Variants in DISP1 observed in about 807,000 individuals in gnomAD.
DISP1 encodes protein dispatched homolog 1.
DISP1 carries 30 observed loss-of-function variants against 37.3 expected under a neutral mutation model. The observed-to-expected ratio is 0.80, with a 90% CI of 0.60 to 1.09. The LOEUF (loss-of-function observed/expected upper bound fraction) is 1.09, where lower values mean the gene tolerates loss of function less well. Among genes scored for constraint, DISP1 ranks in the 50% least tolerant of loss-of-function variants. DISP1 has a pLI of 0.00. For missense variants in DISP1, 1,598 were observed against 1,879.5 expected (o/e 0.85, Z 2.77); for synonymous variants, 634 against 690.2 (o/e 0.92, Z 1.28).
At chr1:222,844,628 G>A (rs533296954) in intron 1 of DISP1, among the ~76,000 whole-genome samples, 1 of 152,176 alleles carries the variant, frequency 6.6e-6, no homozygotes, top group South Asian at 2.1e-4. Context: ...TTGCAGGAAA[G>A]GTATTTAAGC....
chr1:222,836,994 A>G (rs1248084066), intron 1 of DISP1: 1 of 398,330 alleles, frequency 2.5e-6, no homozygotes, highest in African/African-American at 2.1e-5. Flanking sequence ...TCTTCTTTTC[A>G]GAAATAAAAT....
chr1:222,998,070 A>C (rs1193880272), intron 8 of DISP1, among the ~76,000 whole-genome samples: 1 of 152,070 alleles, frequency 6.6e-6, no homozygotes, highest in Non-Finnish European at 1.5e-5. Context: ...TCATGGAGAT[A>C]ATATATTCAT....
chr1:222,862,106 C>G (rs1404220506), intron 1 of DISP1, among the ~76,000 whole-genome samples: 2 of 152,162 alleles, frequency 1.3e-5, no homozygotes, highest in African/African-American at 4.8e-5. Flanking sequence ...CATTGTCTGG[C>G]ATGTAGTAAA....
In DISP1 at chr1:222,939,355, ATTTTTTTTT is replaced by A. The variant is rs35313341; in HGVS notation, c.-17-3433_-17-3425del. Among the ~76,000 whole-genome samples the A allele has an allele frequency of 8.8e-5, 10 of 113,014 alleles. No homozygotes were observed. In the South Asian group the frequency reaches 1.0e-3, roughly 11 times the overall value. 74.1% of individuals were successfully genotyped at this position (113,014 alleles called of 152,430 possible). On this transcript the variant is annotated intron_variant, in intron 2 of 8. Coordinates refer to ENST00000675850, the MANE Select transcript of DISP1 (RefSeq NM_001377229.1). ...GTGATTCTGATTATGAAGAAAAATAATTTTTTTTTTTTTTTTTTTTTTTTTTTACTGAGG... is the reference window on the plus strand; with the variant it reads ...GTGATTCTGATTATGAAGAAAAATAATTTTTTTTTTTTTTTTTTACTGAGG...
chr1:222,995,182 A>G (rs2102761707), intron 8 of DISP1, among the ~76,000 whole-genome samples, 200 bp downstream of exon 8: 1 of 152,336 alleles, frequency 6.6e-6, no homozygotes, highest in South Asian at 2.1e-4. Context: ...ACTTTAAAAC[A>G]TACCATCTTC....
intron 4 of DISP1, among the ~76,000 whole-genome samples, chr1:222,983,949 A>T (rs1039403264): frequency 6.6e-6 from 1 of 152,220 alleles, no homozygotes; most frequent in African/African-American, 2.4e-5. Context: ...AGAAATTCTA[A>T]GTGATCTTTG....
intron 3 of DISP1, among the ~76,000 whole-genome samples, chr1:222,944,147 C>A (rs1038938758): frequency 5.3e-5 from 8 of 152,146 alleles, no homozygotes; most frequent in African/African-American, 1.9e-4. Flanking sequence ...ATGCTGAGAT[C>A]AAATGAAAGT....
chr1:222,954,155 G>T (rs1378975420), intron 3 of DISP1, among the ~76,000 whole-genome samples: 1 of 151,776 alleles, frequency 6.6e-6, no homozygotes. Context: ...AATTATTATG[G>T]ATCAGTTACA....
At chr1:222,887,343 C>A (rs1670652578) in intron 1 of DISP1, among the ~76,000 whole-genome samples, 1 of 152,078 alleles carries the variant, frequency 6.6e-6, no homozygotes, top group Non-Finnish European at 1.5e-5. Context: ...GCCAGAATAT[C>A]TGGGCATTTT....
intron 1 of DISP1, among the ~76,000 whole-genome samples, chr1:222,906,235 A>G (rs1671879580): frequency 6.6e-6 from 1 of 152,250 alleles, no homozygotes; most frequent in Admixed American, 6.5e-5. Flanking sequence ...ATACTAAGTT[A>G]TAAGAAGACC....
intron 2 of DISP1, among the ~76,000 whole-genome samples, chr1:222,937,646 G>T (rs1674052859): frequency 6.6e-6 from 1 of 152,076 alleles, no homozygotes; most frequent in Non-Finnish European, 1.5e-5. Flanking sequence ...ACATTAAAAT[G>T]CTGGCTAAAA....
chr1:222,903,233 G>A (rs545349598), intron 1 of DISP1, among the ~76,000 whole-genome samples: 15 of 147,454 alleles, frequency 1.0e-4, no homozygotes, highest in Non-Finnish European at 1.9e-4. Context: ...TCACTCATAG[G>A]TGGGAATTGA....
intron 1 of DISP1, among the ~76,000 whole-genome samples, chr1:222,820,181 G>A (rs1253518172): frequency 3.3e-5 from 5 of 151,682 alleles, no homozygotes; most frequent in Non-Finnish European, 7.4e-5. Flanking sequence ...GATTTTGAGT[G>A]TCTATTTAAG....
Position 222,964,603 on chromosome 1 carries a change from G to A in DISP1, c.510-18477G>A, listed in dbSNP as rs148756620. On this transcript the variant is annotated intron_variant, in intron 3 of 8. Coordinates refer to ENST00000675850, the MANE Select transcript of DISP1 (RefSeq NM_001377229.1). ...AATAATCGTGAGGGTATAGGTGATG[G>A]GTCATAGGCTGCCCTGGTCATTTTT... 2.8e-3 allele frequency among the ~76,000 whole-genome samples: 429 copies of A among 152,256 alleles called. 2 individuals are homozygous for A. The highest frequency in any genetic ancestry group is 1.0e-2 in the African/African-American group (414 of 41,534).
intron 2 of DISP1, among the ~76,000 whole-genome samples, chr1:222,939,853 C>T (rs1674252301): frequency 6.6e-6 from 1 of 151,534 alleles, no homozygotes; most frequent in Non-Finnish European, 1.5e-5. Flanking sequence ...AGGCCGGGCG[C>T]AGTGGCTCAC....
intron 3 of DISP1, among the ~76,000 whole-genome samples, chr1:222,964,223 TG>T: frequency 6.8e-6 from 1 of 147,842 alleles, no homozygotes; most frequent in South Asian, 2.1e-4. Flanking sequence ...CGCTTCAACC[TG>T]GGAGGCGGAG....
intron 1 of DISP1, among the ~76,000 whole-genome samples, chr1:222,883,584 T>A (rs1670403392): frequency 6.6e-6 from 1 of 152,246 alleles, no homozygotes; most frequent in Non-Finnish European, 1.5e-5. Context: ...GCCACTGCAC[T>A]CTAGCCTGGC....
intron 1 of DISP1, among the ~76,000 whole-genome samples, chr1:222,862,907 G>A (rs760643882): frequency 6.6e-5 from 10 of 151,994 alleles, no homozygotes; most frequent in Non-Finnish European, 1.0e-4. Context: ...TAAGTTTCAT[G>A]TCTCTTTAGC....
chr1:222,886,011 C>T (rs1670577001), intron 1 of DISP1, among the ~76,000 whole-genome samples: 1 of 151,836 alleles, frequency 6.6e-6, no homozygotes, highest in Admixed American at 6.6e-5. Context: ...TTGAAAACTA[C>T]TTCATAGGGC....
Sources: gnomAD v4.1 joint callset for allele counts (sites outside exome capture counted in the v4.1 genomes callset) on GRCh38, gnomAD v4.1.1 for gene constraint, MANE v1.5 for transcripts, NCBI Gene and HGNC (gene_info 2026-07-23, HGNC 2026-07-21) for gene names.